The following CDH2 variants were observed in gnomAD, a reference collection of about 807,000 sequenced individuals.
The protein encoded by CDH2 is cadherin-2.
In CDH2, 17 loss-of-function variants were observed where a neutral mutation model predicts 92.0. The ratio of observed to expected loss-of-function variants is 0.18; its 90% CI spans 0.13 to 0.28. The LOEUF is 0.28. Among genes scored for constraint, CDH2 ranks in the 10% least tolerant of loss-of-function variants. The probability of loss-of-function intolerance (pLI) is 1.00; values close to 1 mark genes in which losing one functional copy is unlikely to be tolerated. For synonymous variants in CDH2, 419 were observed against 415.9 expected, an observed-to-expected ratio of 1.01 and a Z score of -0.09; for missense variants, 862 against 1,133.1, an observed-to-expected ratio of 0.76 and a Z score of 3.44.
Position 27,965,921 on chromosome 18 carries a change from A to G in CDH2, c.2350-2400T>C, listed in dbSNP as rs144388898. Among the ~76,000 whole-genome samples, 136 of 148,474 alleles carry G rather than the reference A, an allele frequency of 9.2e-4. 2 individuals carry two copies. In the East Asian group the frequency reaches 0.027, roughly 29 times the overall value. ...GAGAATCGCTTGAACTCGGGAGGTG[A>G]AAGTTGCAGTGAGACAAGATCGCAT... On this transcript the variant is annotated intron_variant, in intron 14 of 15. Coordinates refer to ENST00000269141, the MANE Select transcript of CDH2 (RefSeq NM_001792.5).
At chr18:28,123,715 C>T (rs1213433056) in intron 2 of CDH2, among the ~76,000 whole-genome samples, 1 of 152,142 alleles carries the variant, frequency 6.6e-6, no homozygotes, top group Non-Finnish European at 1.5e-5. Context: ...CTTCATTCCA[C>T]TGTATCGATC....
rs777857003 is a variant in CDH2 at position 28,003,100 on chromosome 18, T to C, written c.917A>G (p.Tyr306Cys). The C allele has an allele frequency of 1.9e-6, 3 of 1,613,766 alleles. No homozygotes were observed. Among genetic ancestry groups the C allele is most frequent in the African/African-American group, 2.7e-5 (2 of 74,902 alleles). ...DPNALNGMLR[Y>C]RIVSQAPSTP... ...GCTTGGAGCCTGAGACACGATTCTG[T>C]ACCTCAACATCCCATTGAGGGCATT... is the stretch of plus-strand genomic sequence containing the variant. The change falls in exon 7 of 16, where the codon TAC becomes TGC. Residue 306 changes from tyrosine to cysteine, a missense_variant. Tyr to Cys is a radical substitution (Grantham distance 194). Coordinates refer to ENST00000269141, the MANE Select transcript of CDH2 (RefSeq NM_001792.5).
intron 2 of CDH2, among the ~76,000 whole-genome samples, chr18:28,062,424 T>G (rs1159328084): frequency 6.6e-6 from 1 of 152,198 alleles, no homozygotes; most frequent in Admixed American, 6.5e-5. Flanking sequence ...TAATAGAGTT[T>G]TGCCTGTCCT....
At chr18:28,103,437 T>TTTATACATATATG (rs1202887952) in intron 2 of CDH2, among the ~76,000 whole-genome samples, 3 of 69,888 alleles carry the variant, frequency 4.3e-5, no homozygotes, top group African/African-American at 2.3e-4. Context: ...ATATATGAAG[T>TTTATACATATATG]ATGTTTATAT....
At chr18:28,088,586 G>A (rs1461424579) in intron 2 of CDH2, among the ~76,000 whole-genome samples, 31 of 152,122 alleles carry the variant, frequency 2.0e-4, no homozygotes, top group Admixed American at 2.0e-3. Context: ...TGATGGGGAG[G>A]AAATGTCCTG....
Position 28,153,909 on chromosome 18 carries a change from C to G in CDH2, c.61-6125G>C, listed in dbSNP as rs557306786. Among the ~76,000 whole-genome samples, 12 of 152,298 alleles carry G rather than the reference C, an allele frequency of 7.9e-5. No individual in the cohort carries two copies. In the South Asian group the frequency reaches 2.5e-3, roughly 32 times the overall value. On this transcript the variant is annotated intron_variant, in intron 1 of 15. Transcript: ENST00000269141. Reference sequence around the variant, plus strand: ...CGGTAGGTCTCAAACTTACTCAACACAGCAAGCAATCTGGGACATTTGTTT... The same window carrying G: ...CGGTAGGTCTCAAACTTACTCAACAGAGCAAGCAATCTGGGACATTTGTTT...
chr18:27,937,487 G>A (rs1409657121), intron 6 of CDH2, among the ~76,000 whole-genome samples: 1 of 152,066 alleles, frequency 6.6e-6, no homozygotes, highest in Non-Finnish European at 1.5e-5. Flanking sequence ...ATAAAAGATT[G>A]TTATTGTTAT....
At chr18:28,155,367 G>A (rs1003945691) in intron 1 of CDH2, among the ~76,000 whole-genome samples, 1 of 152,184 alleles carries the variant, frequency 6.6e-6, no homozygotes, top group Admixed American at 6.5e-5. Flanking sequence ...CACAGGACAA[G>A]GGTTAGCTAT....
At chr18:28,017,994 A>T (rs1266479382) in intron 2 of CDH2, among the ~76,000 whole-genome samples, 1 of 152,140 alleles carries the variant, frequency 6.6e-6, no homozygotes, top group Non-Finnish European at 1.5e-5. Flanking sequence ...TGCTGAAGAC[A>T]TGATTGTACC....
At chr18:28,087,328 C>T (rs2014951564) in intron 2 of CDH2, among the ~76,000 whole-genome samples, 1 of 152,134 alleles carries the variant, frequency 6.6e-6, no homozygotes, top group African/African-American at 2.4e-5. Flanking sequence ...GATGTAAACA[C>T]AATAAGCCCG....
intron 7 of CDH2, among the ~76,000 whole-genome samples, chr18:27,998,462 G>A (rs1567956854): frequency 6.6e-6 from 1 of 152,120 alleles, no homozygotes; most frequent in Non-Finnish European, 1.5e-5. Flanking sequence ...ACTCAGGTAT[G>A]GTCAAGAATC....
At chr18:28,164,396 T>C (rs1598520660) in intron 1 of CDH2, among the ~76,000 whole-genome samples, 1 of 152,120 alleles carries the variant, frequency 6.6e-6, no homozygotes, top group African/African-American at 2.4e-5. Context: ...TGGTACATAG[T>C]AATTACTAAA....
chr18:28,033,016 A>G (rs1380990457), intron 2 of CDH2, among the ~76,000 whole-genome samples: 1 of 152,152 alleles, frequency 6.6e-6, no homozygotes, highest in Non-Finnish European at 1.5e-5. Flanking sequence ...TAATAATTAC[A>G]TTTCAAGGGA....
At chr18:28,034,586 A>G (rs2013778978) in intron 2 of CDH2, among the ~76,000 whole-genome samples, 1 of 152,096 alleles carries the variant, frequency 6.6e-6, no homozygotes, top group African/African-American at 2.4e-5. Context: ...ATACGTTAAA[A>G]AATTACATAG....
At chr18:28,126,653 T>C (rs1196004313) in intron 2 of CDH2, among the ~76,000 whole-genome samples, 1 of 152,186 alleles carries the variant, frequency 6.6e-6, no homozygotes, top group South Asian at 2.1e-4. Flanking sequence ...ATAATTGGGG[T>C]AAATTGCTCC....
At chr18:28,154,268 C>G (rs1228654121) in intron 1 of CDH2, among the ~76,000 whole-genome samples, 3 of 152,250 alleles carry the variant, frequency 2.0e-5, no homozygotes, top group Non-Finnish European at 4.4e-5. Context: ...TACCCCATCT[C>G]CAGTCCTTTA....
intron 2 of CDH2, among the ~76,000 whole-genome samples, chr18:28,038,672 A>T (rs542024224): frequency 6.6e-6 from 1 of 152,182 alleles, no homozygotes; most frequent in East Asian, 1.9e-4. Flanking sequence ...GACAGAAAAC[A>T]TCTGATAGCC....
intron 2 of CDH2, among the ~76,000 whole-genome samples, chr18:28,085,267 C>G (rs1452551640): frequency 6.6e-6 from 1 of 152,130 alleles, no homozygotes; most frequent in Admixed American, 6.6e-5. Context: ...ACTTAGCAGT[C>G]TCTTTCTCCG....
In CDH2 at chr18:27,951,987, T is replaced by C. The variant is rs1211186080; in HGVS notation, c.*166A>G. The C allele has an allele frequency of 4.8e-6, 3 of 628,938 alleles. No individual in the cohort carries two copies. The highest frequency in any genetic ancestry group is 1.8e-5 in the African/African-American group (1 of 54,732). 39.0% of individuals were successfully genotyped at this position (628,938 alleles called of 1,614,324 possible). ...TCAGTGTTTTTCCAAACAGTATGGATCACTGATATTCCCTCTGAGCCCAAA... is the reference window on the plus strand; with the variant it reads ...TCAGTGTTTTTCCAAACAGTATGGACCACTGATATTCCCTCTGAGCCCAAA... On this transcript the variant is annotated 3_prime_UTR_variant, in exon 16 of 16. Coordinates refer to ENST00000269141, the MANE Select transcript of CDH2 (RefSeq NM_001792.5).
Sources: allele counts gnomAD v4.1 joint callset (sites outside exome capture counted in the v4.1 genomes callset), GRCh38; gene constraint gnomAD v4.1.1; transcripts MANE v1.5; gene names NCBI Gene and HGNC (gene_info 2026-07-23, HGNC 2026-07-21).